IL1RAPL1: variants seen among roughly 807,000 people sequenced by gnomAD.
The protein encoded by IL1RAPL1 is interleukin 1 receptor accessory protein like 1.
A neutral mutation model predicts 48.4 loss-of-function variants in IL1RAPL1; 3 were observed. That is an observed-to-expected ratio of 0.06 (90% CI 0.03 to 0.16). The LOEUF is 0.16. Among genes scored for constraint, IL1RAPL1 ranks in the 10% least tolerant of loss-of-function variants. The pLI, the probability that IL1RAPL1 is intolerant of heterozygous loss-of-function variation, is 1.00. For missense variants in IL1RAPL1, 349 were observed against 530.6 expected, an observed-to-expected ratio of 0.66 and a Z score of 3.36; for synonymous variants, 185 against 187.7, an observed-to-expected ratio of 0.99 and a Z score of 0.12.
chrX:29,267,367 A>G (rs1488422749), intron 2 of IL1RAPL1, among the ~76,000 whole-genome samples: 1 of 112,154 alleles, frequency 8.9e-6, no homozygotes, highest in Non-Finnish European at 1.9e-5. Flanking sequence ...ATAAAAACAT[A>G]CCTTTGATAC....
At chrX:29,201,030 T>C (rs1930544577) in intron 2 of IL1RAPL1, among the ~76,000 whole-genome samples, 1 of 110,759 alleles carries the variant, frequency 9.0e-6, no homozygotes, top group East Asian at 2.8e-4. Context: ...CTCCATGTGT[T>C]ACATGGGAAT....
At chrX:29,772,800 A>G (rs1929099897) in intron 6 of IL1RAPL1, among the ~76,000 whole-genome samples, 1 of 111,284 alleles carries the variant, frequency 9.0e-6, no homozygotes, top group Non-Finnish European at 1.9e-5. Context: ...CATTTCCAAC[A>G]GCGTTTACCA....
rs181531213 is a variant in IL1RAPL1, at chrX:28,707,354, A to G, written c.-24-81966A>G. Among the ~76,000 whole-genome samples, 455 of 112,176 alleles carry G rather than the reference A, an allele frequency of 4.1e-3. 1 individual carries two copies. The highest frequency in any genetic ancestry group is 6.1e-3 in the Non-Finnish European group (326 of 53,260). ...TTGGGATACCTCTGAGATGTGTTCTATATTTTCTCCCAGAGCTCCATAGCA... is the reference window on the plus strand; with the variant it reads ...TTGGGATACCTCTGAGATGTGTTCTGTATTTTCTCCCAGAGCTCCATAGCA... On this transcript the variant is annotated intron_variant, in intron 1 of 10. Transcript: ENST00000378993.
At position 28,902,009 on chromosome X, in the gene IL1RAPL1, A is replaced by G. The variant is rs1212970594; in HGVS notation, c.82+112584A>G. On this transcript the variant is annotated intron_variant, in intron 2 of 10. Transcript: ENST00000378993. ...CTAATGATCTTAAATAATAAGGTGTACTTTTTGCTAGATTATACCATGACA... is the reference window on the plus strand; with the variant it reads ...CTAATGATCTTAAATAATAAGGTGTGCTTTTTGCTAGATTATACCATGACA... Among the ~76,000 whole-genome samples the G allele has an allele frequency of 3.6e-5, 4 of 111,526 alleles. No homozygotes were observed. The East Asian group carries it at 1.1e-3, about 31-fold the overall frequency.
intron 6 of IL1RAPL1, among the ~76,000 whole-genome samples, chrX:29,701,841 A>C (rs1219831283): frequency 9.0e-6 from 1 of 111,567 alleles, no homozygotes; most frequent in Non-Finnish European, 1.9e-5. Context: ...GTGAGAATAA[A>C]GGGCCACAAA....
chrX:29,295,530 G>A (rs759351617), intron 3 of IL1RAPL1, among the ~76,000 whole-genome samples: 2 of 112,104 alleles, frequency 1.8e-5, no homozygotes, highest in South Asian at 7.5e-4. Flanking sequence ...GATCTGAACA[G>A]AGTAAAATCT....
chrX:28,652,736 A>G (rs1404494607), intron 1 of IL1RAPL1, among the ~76,000 whole-genome samples: 1 of 111,434 alleles, frequency 9.0e-6, no homozygotes, highest in Non-Finnish European at 1.9e-5. Context: ...TTTACACAAC[A>G]GTAGCAGGAT....
At chrX:29,448,137 G>C (rs1952288680) in intron 5 of IL1RAPL1, among the ~76,000 whole-genome samples, 1 of 111,487 alleles carries the variant, frequency 9.0e-6, no homozygotes, top group African/African-American at 3.3e-5. Flanking sequence ...TGGTCATGGG[G>C]AACCACTGAG....
chrX:29,153,116 T>C (rs1231362157), intron 2 of IL1RAPL1, among the ~76,000 whole-genome samples: 4 of 111,700 alleles, frequency 3.6e-5, no homozygotes, highest in Non-Finnish European at 7.5e-5. Flanking sequence ...ATTTCTTATC[T>C]CTTGGCCCTC....
chrX:29,319,108 A>G (rs763930579), intron 3 of IL1RAPL1, among the ~76,000 whole-genome samples: 78 of 104,413 alleles, frequency 7.5e-4, no homozygotes, highest in Non-Finnish European at 1.4e-3. Flanking sequence ...ATCCATATAT[A>G]TATATTAGAC....
At chrX:28,659,478 G>C (rs1285842557) in intron 1 of IL1RAPL1, 1 of 502,929 alleles carries the variant, frequency 2.0e-6, no homozygotes. Flanking sequence ...ATGATATAGA[G>C]ACCTCCTTGC....
intron 8 of IL1RAPL1, among the ~76,000 whole-genome samples, chrX:29,921,183 T>A (rs190030220): frequency 3.4e-4 from 38 of 112,353 alleles, no homozygotes; most frequent in Non-Finnish European, 6.8e-4. Flanking sequence ...TTAGTAAAAT[T>A]GTTTGTGTAT....
At chrX:29,407,011 T>C (rs1934081076) in intron 5 of IL1RAPL1, among the ~76,000 whole-genome samples, 1 of 112,434 alleles carries the variant, frequency 8.9e-6, no homozygotes, top group Non-Finnish European at 1.9e-5. Context: ...TGGAATGTAT[T>C]ATTTCACCTC....
chrX:29,015,428 A>G (rs1027413275), intron 2 of IL1RAPL1, among the ~76,000 whole-genome samples: 30 of 111,555 alleles, frequency 2.7e-4, no homozygotes, highest in African/African-American at 7.8e-4. Flanking sequence ...TTCTGTTTAA[A>G]ATTTGAATTA....
chrX:29,361,566 C>T (rs988637224), intron 3 of IL1RAPL1, among the ~76,000 whole-genome samples: 1 of 109,178 alleles, frequency 9.2e-6, no homozygotes, highest in Admixed American at 9.7e-5. Flanking sequence ...CACACACACA[C>T]ACACACAACT....
intron 3 of IL1RAPL1, among the ~76,000 whole-genome samples, chrX:29,392,100 C>T (rs1933861452): frequency 8.9e-6 from 1 of 111,732 alleles, no homozygotes; most frequent in African/African-American, 3.2e-5. Flanking sequence ...GGGGTGTTTA[C>T]TCTCAGTTGT....
intron 6 of IL1RAPL1, among the ~76,000 whole-genome samples, chrX:29,858,889 C>T (rs1412831745): frequency 9.0e-6 from 1 of 110,745 alleles, no homozygotes; most frequent in Admixed American, 9.6e-5. Context: ...CATCCAAATT[C>T]CACTGAAATG....
At chrX:29,274,763 C>T (rs1239484897) in intron 2 of IL1RAPL1, among the ~76,000 whole-genome samples, 5 of 111,442 alleles carry the variant, frequency 4.5e-5, no homozygotes, top group African/African-American at 6.5e-5. Context: ...ACCCCAACAA[C>T]ACTTATCTCT....
intron 5 of IL1RAPL1, among the ~76,000 whole-genome samples, chrX:29,501,088 A>G (rs1339437976): frequency 8.9e-6 from 1 of 111,812 alleles, no homozygotes; most frequent in East Asian, 2.8e-4. Context: ...GGCCATTTGT[A>G]TGTCTTCTTG....
Sources: allele counts gnomAD v4.1 joint callset (sites outside exome capture counted in the v4.1 genomes callset), GRCh38; gene constraint gnomAD v4.1.1; transcripts MANE v1.5; gene names NCBI Gene and HGNC (gene_info 2026-07-23, HGNC 2026-07-21).